SH3PXD2A: variants seen among roughly 807,000 people sequenced by gnomAD.
The protein encoded by SH3PXD2A is SH3 and PX domains 2A, also known as SH3 and PX domain-containing protein 2A.
In SH3PXD2A, 32 loss-of-function variants were observed where a neutral mutation model predicts 115.2. The observed-to-expected ratio is 0.28, with a 90% CI of 0.21 to 0.37. The LOEUF (loss-of-function observed/expected upper bound fraction) is 0.37. SH3PXD2A is among the 10% of genes least tolerant of loss of function. The pLI, the probability that SH3PXD2A is intolerant of heterozygous loss-of-function variation, is 1.00. For synonymous variants in SH3PXD2A, 610 were observed against 629.1 expected, an observed-to-expected ratio of 0.97 and a Z score of 0.45; for missense variants, 1,328 against 1,498.7, an observed-to-expected ratio of 0.89 and a Z score of 1.88.
chr10:103,806,840 G>A (rs976038416), intron 1 of SH3PXD2A, among the ~76,000 whole-genome samples: 24 of 152,146 alleles, frequency 1.6e-4, no homozygotes, highest in Admixed American at 6.5e-4. Context: ...CAGACTGAGG[G>A]GACCCAGGGG....
At chr10:103,623,278 CCA>C (rs1491356902) in intron 9 of SH3PXD2A, among the ~76,000 whole-genome samples, 6,501 of 152,066 alleles carry the variant, frequency 0.043, 465 homozygotes, top group African/African-American at 0.15. Context: ...GGCCCCCTCC[CCA>C]GCTTCTCACT....
chr10:103,693,021 C>G lies in SH3PXD2A; in HGVS notation c.427+7G>C. ...GCTGAAGGGAAAACGCCCGGAGGCTCCCTTACCTGATTTCCTCTTGGAACT... is the reference window on the plus strand; with the variant it reads ...GCTGAAGGGAAAACGCCCGGAGGCTGCCTTACCTGATTTCCTCTTGGAACT... On this transcript the variant is annotated splice_region_variant and intron_variant, in intron 6 of 14. Coordinates refer to ENST00000369774, the MANE Select transcript of SH3PXD2A (RefSeq NM_001394015.1). The G allele has an allele frequency of 6.2e-7, 1 of 1,612,498 alleles. No individual in the cohort carries two copies.
intron 1 of SH3PXD2A, among the ~76,000 whole-genome samples, chr10:103,833,498 T>C (rs1029976879): frequency 5.3e-5 from 8 of 152,116 alleles, no homozygotes; most frequent in African/African-American, 1.7e-4. Context: ...TTTATATTTA[T>C]ATATGGATGT....
intron 1 of SH3PXD2A, among the ~76,000 whole-genome samples, chr10:103,838,983 G>A (rs539440856): frequency 6.6e-6 from 1 of 152,190 alleles, no homozygotes; most frequent in East Asian, 1.9e-4. Flanking sequence ...CACAGGGAGG[G>A]TGTCCAGAAC....
chr10:103,799,044 T>G (rs920421983), intron 2 of SH3PXD2A, among the ~76,000 whole-genome samples: 1 of 152,188 alleles, frequency 6.6e-6, no homozygotes, highest in African/African-American at 2.4e-5. Context: ...AATTTGAACC[T>G]TCACACTACA....
rs771136503 is a variant in SH3PXD2A, at chr10:103,612,931, C to T, written c.1180G>A (p.Val394Ile). The T allele has an allele frequency of 1.0e-4, 169 of 1,613,428 alleles. No homozygotes were observed. The Middle Eastern group carries it at 1.3e-3, about 13-fold the overall frequency. ...CNASNGSAVG[V>I]PDRTVSRLAQ... ...AGCCTGGAGACAGTCCTGTCAGGAA[C>T]GCCCACGGCACTGCCATTGGAGGCA... The change falls in exon 12 of 15, where the codon GTT becomes ATT. Residue 394 changes from valine to isoleucine, a missense_variant. By Grantham distance (29) the Val-to-Ile change is conservative. Transcript: ENST00000369774.
Position 103,720,866 on chromosome 10 carries a change from G to A in SH3PXD2A, c.398+3404C>T, listed in dbSNP as rs1459579374. 5.3e-5 allele frequency among the ~76,000 whole-genome samples: 8 copies of A among 152,214 alleles called. 1 individual carries two copies. Among genetic ancestry groups the A allele is most frequent in the Admixed American group, 5.2e-4 (8 of 15,290 alleles). ...CAGGGGAACACAGGTCTCTCTTGGT[G>A]GGTCCTGGAGGCGGAGCAGAGACAG... On this transcript the variant is annotated intron_variant, in intron 5 of 14. Coordinates refer to ENST00000369774, the MANE Select transcript of SH3PXD2A (RefSeq NM_001394015.1).
chr10:103,767,178 CCAGA>C lies in SH3PXD2A; in HGVS notation c.154-13_154-10del. ...TTATCCAAAAGCTGCATCTGAGAAG[CCAGA>C]CAGACAGAGGGACAGGATTCAGAAG... is the stretch of plus-strand genomic sequence containing the variant. On this transcript the variant is annotated splice_polypyrimidine_tract_variant and intron_variant, in intron 2 of 14. Coordinates refer to ENST00000369774, the MANE Select transcript of SH3PXD2A (RefSeq NM_001394015.1). 1.9e-6 allele frequency: 3 copies of C among 1,610,176 alleles called. No homozygotes were observed. The highest frequency in any genetic ancestry group is 2.5e-6 in the Non-Finnish European group (3 of 1,176,606).
At chr10:103,770,898 T>C (rs2038811807) in intron 2 of SH3PXD2A, among the ~76,000 whole-genome samples, 1 of 152,266 alleles carries the variant, frequency 6.6e-6, no homozygotes, top group African/African-American at 2.4e-5. Flanking sequence ...ACTTCCTTAA[T>C]AACAATGCAT....
Position 103,762,303 on chromosome 10 carries a change from C to T in SH3PXD2A, c.229+4791G>A, listed in dbSNP as rs115005313. On this transcript the variant is annotated intron_variant, in intron 3 of 14. Transcript: ENST00000369774. ...TCAGCCTCCCAAAGTGCTGGCATTG[C>T]GGGTGTGAGCCACTGCGCCCAACAT... is the stretch of plus-strand genomic sequence containing the variant. 8.3e-3 allele frequency among the ~76,000 whole-genome samples: 1,268 copies of T among 152,240 alleles called. 21 individuals are homozygous for T. Among genetic ancestry groups the T allele is most frequent in the African/African-American group, 0.029 (1,219 of 41,540 alleles).
chr10:103,604,007 C>T (rs2133910632), intron 14 of SH3PXD2A, among the ~76,000 whole-genome samples: 1 of 152,334 alleles, frequency 6.6e-6, no homozygotes, highest in Non-Finnish European at 1.5e-5. Flanking sequence ...TGGGTTCCCA[C>T]TTGCCAAGTT....
intron 4 of SH3PXD2A, among the ~76,000 whole-genome samples, chr10:103,728,736 T>C (rs561391512): frequency 8.5e-5 from 13 of 152,310 alleles, no homozygotes; most frequent in Non-Finnish European, 1.6e-4. Flanking sequence ...CAATATCCTG[T>C]AGGACTGTGT....
intron 4 of SH3PXD2A, among the ~76,000 whole-genome samples, chr10:103,725,122 C>T (rs796767546): frequency 5.9e-5 from 9 of 152,324 alleles, no homozygotes; most frequent in African/African-American, 1.7e-4. Flanking sequence ...TCAGGAAGGA[C>T]TCTTTAAAGC....
At chr10:103,826,760 C>G (rs201377993) in intron 1 of SH3PXD2A, among the ~76,000 whole-genome samples, 2 of 152,206 alleles carry the variant, frequency 1.3e-5, no homozygotes, top group East Asian at 3.8e-4. Flanking sequence ...TTGGTTCACC[C>G]GTGAATCTTC....
chr10:103,644,669 C>T (rs193130749), intron 8 of SH3PXD2A, among the ~76,000 whole-genome samples: 229 of 151,658 alleles, frequency 1.5e-3, no homozygotes, highest in African/African-American at 4.4e-3. Flanking sequence ...AGAAACCCGA[C>T]GGACTCCTAA....
intron 1 of SH3PXD2A, among the ~76,000 whole-genome samples, chr10:103,843,066 T>C (rs1203319411): frequency 6.6e-6 from 1 of 152,190 alleles, no homozygotes; most frequent in African/African-American, 2.4e-5. Context: ...ACGCTGGTGA[T>C]AGCAATAGTG....
intron 5 of SH3PXD2A, chr10:103,693,488 C>T (rs2037787311): frequency 6.7e-6 from 1 of 149,158 alleles, no homozygotes; most frequent in Non-Finnish European, 1.5e-5. Flanking sequence ...CCTCCCAATT[C>T]TTTGCATGGC....
intron 1 of SH3PXD2A, among the ~76,000 whole-genome samples, chr10:103,847,871 G>A (rs1048921097): frequency 2.0e-5 from 3 of 152,004 alleles, no homozygotes; most frequent in Admixed American, 6.6e-5. Context: ...CCCGGGAGGC[G>A]GAGGCTGCAG....
At chr10:103,842,876 T>G (rs934601218) in intron 1 of SH3PXD2A, among the ~76,000 whole-genome samples, 1 of 152,180 alleles carries the variant, frequency 6.6e-6, no homozygotes, top group Non-Finnish European at 1.5e-5. Context: ...TGAATGAATA[T>G]GAGTAAGTAT....
Sources: allele counts gnomAD v4.1 joint callset (sites outside exome capture counted in the v4.1 genomes callset), GRCh38; gene constraint gnomAD v4.1.1; transcripts MANE v1.5; gene names NCBI Gene and HGNC (gene_info 2026-07-23, HGNC 2026-07-21).